FMNL2: variants seen among roughly 807,000 people sequenced by gnomAD.
The protein encoded by FMNL2 is formin like 2.
A neutral mutation model predicts 130.2 loss-of-function variants in FMNL2; 51 were observed. That is an observed-to-expected ratio of 0.39 (90% CI 0.31 to 0.49). FMNL2 has a LOEUF of 0.49. FMNL2 is among the 20% of genes least tolerant of loss of function. The pLI is 0.85. For missense variants in FMNL2, 977 were observed against 1,316.2 expected (o/e 0.74, Z 3.99); for synonymous variants, 465 against 467.1 (o/e 1.00, Z 0.06).
intron 25 of FMNL2, chr2:152,643,860 A>G (rs949858183): frequency 2.4e-5 from 24 of 985,358 alleles, no homozygotes; most frequent in African/African-American, 8.7e-5. Flanking sequence ...TAGATTGCTT[A>G]TAAGATTTTT....
At chr2:152,338,995 A>G (rs115876774) in intron 1 of FMNL2, among the ~76,000 whole-genome samples, 49 of 152,342 alleles carry the variant, frequency 3.2e-4, no homozygotes, top group Non-Finnish European at 5.6e-4. Flanking sequence ...GTAAGGATGT[A>G]TATATTTCAT....
intron 1 of FMNL2, among the ~76,000 whole-genome samples, chr2:152,363,997 T>A (rs543095396): frequency 3.9e-5 from 6 of 152,322 alleles, no homozygotes; most frequent in Admixed American, 2.0e-4. Context: ...GTGTTTATAT[T>A]GGAATTCATG....
chr2:152,384,934 C>T (rs188911960), intron 1 of FMNL2, among the ~76,000 whole-genome samples: 62 of 152,346 alleles, frequency 4.1e-4, no homozygotes, highest in Admixed American at 2.4e-3. Flanking sequence ...ATCAACTAAC[C>T]TAGTAAACTA....
intron 1 of FMNL2, among the ~76,000 whole-genome samples, chr2:152,442,242 C>CTTTCTT (rs1156282658): frequency 6.6e-6 from 1 of 151,422 alleles, no homozygotes; most frequent in East Asian, 1.9e-4. Context: ...TTCTTTTTTT[C>CTTTCTT]TTTCTTTTTC....
rs193192080 is a variant in FMNL2, at chr2:152,576,491, T to G, written c.705+1247T>G. Among the ~76,000 whole-genome samples, 5 of 152,290 alleles carry G rather than the reference T, an allele frequency of 3.3e-5. No individual in the cohort carries two copies. In the East Asian group the frequency reaches 9.7e-4, roughly 29 times the overall value. On this transcript the variant is annotated intron_variant, in intron 7 of 25. Coordinates refer to ENST00000288670, the MANE Select transcript of FMNL2 (RefSeq NM_052905.4). Reference sequence around the variant, plus strand: ...AAGTCATGTAAATAGCCCTGTGAGATCAATAATATTACTCTCCCCATTTTA... The same window carrying G: ...AAGTCATGTAAATAGCCCTGTGAGAGCAATAATATTACTCTCCCCATTTTA...
chr2:152,549,807 G>C (rs1204097622), intron 4 of FMNL2, among the ~76,000 whole-genome samples: 1 of 152,138 alleles, frequency 6.6e-6, no homozygotes, highest in African/African-American at 2.4e-5. Context: ...AATGATATCA[G>C]GTATCCTATT....
intron 1 of FMNL2, among the ~76,000 whole-genome samples, chr2:152,378,436 TTAAA>T (rs1245667545): frequency 6.6e-6 from 1 of 152,212 alleles, no homozygotes; most frequent in Non-Finnish European, 1.5e-5. Flanking sequence ...TAGACTTAAA[TTAAA>T]TAAATCCGTT....
intron 15 of FMNL2, chr2:152,620,918 A>G (rs545188095): frequency 8.2e-5 from 81 of 985,140 alleles, no homozygotes; most frequent in Non-Finnish European, 9.2e-5. Flanking sequence ...TCGGTGACTT[A>G]TTTCTACCCT....
At chr2:152,475,061 A>G (rs1380216855) in intron 1 of FMNL2, among the ~76,000 whole-genome samples, 1 of 152,224 alleles carries the variant, frequency 6.6e-6, no homozygotes, top group Non-Finnish European at 1.5e-5. Context: ...CTTATCTATA[A>G]AGGAGGAAAA....
In FMNL2 at chr2:152,484,476, GA is replaced by G. The variant is rs762086772; in HGVS notation, c.118-37455del. 8.5e-3 allele frequency among the ~76,000 whole-genome samples: 1,226 copies of G among 143,760 alleles called. 7 individuals are homozygous for G. The highest frequency in any genetic ancestry group is 0.025 in the East Asian group (124 of 4,938). 94.3% of individuals were successfully genotyped at this position (143,760 alleles called of 152,430 possible). On this transcript the variant is annotated intron_variant, in intron 1 of 25. Transcript: ENST00000288670. ...CCAATACAGCAAGACTGTGTCTCTT[GA>G]AAAAAAAAAAATAGCTGGAAGTGGT...
intron 4 of FMNL2, 39 bp from the exon 5 acceptor site, chr2:152,558,701 C>G: frequency 1.3e-6 from 2 of 1,543,288 alleles, no homozygotes; most frequent in Non-Finnish European, 1.8e-6. Context: ...GTCATGTGAT[C>G]AATTTCTCCA....
chr2:152,528,917 A>G (rs1197956972), intron 2 of FMNL2, among the ~76,000 whole-genome samples: 3 of 152,194 alleles, frequency 2.0e-5, no homozygotes, highest in African/African-American at 7.2e-5. Context: ...GAGAAAGAAC[A>G]TGCAAATGCA....
intron 1 of FMNL2, among the ~76,000 whole-genome samples, chr2:152,412,480 AT>A (rs1344868626): frequency 2.6e-4 from 9 of 34,666 alleles, no homozygotes; most frequent in African/African-American, 7.3e-4. Context: ...ATATATATAT[AT>A]ATATATATAT....
At chr2:152,563,416 G>T (rs1255927609) in intron 6 of FMNL2, among the ~76,000 whole-genome samples, 1 of 152,094 alleles carries the variant, frequency 6.6e-6, no homozygotes, top group Non-Finnish European at 1.5e-5. Flanking sequence ...GCCACTTAAG[G>T]ACCTGAAGCT....
At chr2:152,641,094 C>T (rs2105968805) in intron 25 of FMNL2, among the ~76,000 whole-genome samples, 180 bp downstream of exon 25, 1 of 152,248 alleles carries the variant, frequency 6.6e-6, no homozygotes, top group South Asian at 2.1e-4. Context: ...TGTATACTGC[C>T]CCAATACTCT....
At chr2:152,610,712 A>T (rs986610114) in intron 10 of FMNL2, among the ~76,000 whole-genome samples, 2 of 152,142 alleles carry the variant, frequency 1.3e-5, no homozygotes, top group African/African-American at 4.8e-5. Flanking sequence ...GCTTCTTTCT[A>T]CTTTTTGGTT....
At chr2:152,600,827 A>G (rs181824163) in intron 9 of FMNL2, among the ~76,000 whole-genome samples, 6 of 151,946 alleles carry the variant, frequency 3.9e-5, no homozygotes, top group Admixed American at 3.3e-4. Context: ...TTATCTGTGC[A>G]GGGTATGGGA....
chr2:152,456,666 G>A (rs1432526380), intron 1 of FMNL2, among the ~76,000 whole-genome samples: 2 of 152,052 alleles, frequency 1.3e-5, no homozygotes, highest in Non-Finnish European at 2.9e-5. Context: ...ATTTGGGGCC[G>A]GGCGCGGTAG....
At chr2:152,409,203 A>C (rs1209887070) in intron 1 of FMNL2, among the ~76,000 whole-genome samples, 2 of 152,190 alleles carry the variant, frequency 1.3e-5, no homozygotes, top group Non-Finnish European at 2.9e-5. Context: ...ATTCCAAATG[A>C]TTAGCTCAAA....
Sources: allele counts gnomAD v4.1 joint callset (sites outside exome capture counted in the v4.1 genomes callset), GRCh38; gene constraint gnomAD v4.1.1; transcripts MANE v1.5; gene names NCBI Gene and HGNC (gene_info 2026-07-23, HGNC 2026-07-21).